The following ADAM10 variants were observed in gnomAD, a reference collection of about 807,000 sequenced individuals.
The protein encoded by ADAM10 is ADAM metallopeptidase domain 10.
ADAM10 carries 17 observed loss-of-function variants against 90.1 expected under a neutral mutation model. The ratio of observed to expected loss-of-function variants is 0.19; its 90% CI spans 0.13 to 0.28. ADAM10 has a LOEUF of 0.28. Among genes scored for constraint, ADAM10 ranks in the 10% least tolerant of loss-of-function variants. The probability of loss-of-function intolerance (pLI) is 1.00; values close to 1 mark genes in which losing one functional copy is unlikely to be tolerated. For missense variants in ADAM10, 610 were observed against 914.3 expected, an observed-to-expected ratio of 0.67 and a Z score of 4.29; for synonymous variants, 310 against 298.6, an observed-to-expected ratio of 1.04 and a Z score of -0.40.
chr15:58,640,358 CCT>C (rs1274703406), intron 8 of ADAM10, among the ~76,000 whole-genome samples: 17 of 152,106 alleles, frequency 1.1e-4, no homozygotes, highest in Non-Finnish European at 2.1e-4. Flanking sequence ...GGATTTCTCT[CCT>C]CTTTATCTCA....
intron 9 of ADAM10, chr15:58,629,245 T>C (rs1283507329): frequency 6.6e-6 from 1 of 152,234 alleles, no homozygotes; most frequent in Non-Finnish European, 1.5e-5. Flanking sequence ...GTATTATCCC[T>C]AGCCTTCAAG....
chr15:58,604,809 G>A (rs147980652), intron 14 of ADAM10, among the ~76,000 whole-genome samples: 4 of 152,266 alleles, frequency 2.6e-5, no homozygotes, highest in African/African-American at 4.8e-5. Flanking sequence ...ATGCAGTGGT[G>A]CAATCACGGC....
chr15:58,685,635 C>T (rs1897579038), intron 2 of ADAM10, among the ~76,000 whole-genome samples: 1 of 145,818 alleles, frequency 6.9e-6, no homozygotes, highest in African/African-American at 2.5e-5. Flanking sequence ...GAGTAAGATA[C>T]ACATTATAAG....
intron 11 of ADAM10, among the ~76,000 whole-genome samples, chr15:58,612,192 A>G (rs1318013371): frequency 6.6e-6 from 1 of 152,174 alleles, no homozygotes; most frequent in Non-Finnish European, 1.5e-5. Flanking sequence ...TAAACAGTGC[A>G]CTGGTGGAGC....
rs1894920278 is a variant in ADAM10, at chr15:58,595,252, G to C, written c.*2295C>G. On this transcript the variant is annotated 3_prime_UTR_variant, in exon 16 of 16. Coordinates refer to ENST00000260408, the MANE Select transcript of ADAM10 (RefSeq NM_001110.4). ...TGTGTGTACGCAGAGTATCTAACTGGAAATTTTCTACATGGATTCCAAAGT... is the reference window on the plus strand; with the variant it reads ...TGTGTGTACGCAGAGTATCTAACTGCAAATTTTCTACATGGATTCCAAAGT... The C allele has an allele frequency of 6.6e-6, 1 of 151,938 alleles. No individual in the cohort carries two copies. Among genetic ancestry groups the C allele is most frequent in the Admixed American group, 6.6e-5 (1 of 15,248 alleles). The allele number at this position is 151,938 out of a possible 1,614,324, so 9.4% of individuals were successfully genotyped here.
chr15:58,610,016 T>C (rs535374352), intron 14 of ADAM10: 2 of 392,238 alleles, frequency 5.1e-6, no homozygotes, highest in Admixed American at 4.0e-5. Context: ...GCCCTAATAA[T>C]ATGCACCAAA....
intron 8 of ADAM10, among the ~76,000 whole-genome samples, chr15:58,637,713 A>G (rs1896302646): frequency 6.6e-6 from 1 of 151,720 alleles, no homozygotes; most frequent in Admixed American, 6.6e-5. Flanking sequence ...TGTAGATTGT[A>G]TTTATATATA....
At chr15:58,628,951 T>G (rs891996218) in intron 9 of ADAM10, among the ~76,000 whole-genome samples, 1 of 152,232 alleles carries the variant, frequency 6.6e-6, no homozygotes, top group Non-Finnish European at 1.5e-5. Flanking sequence ...CTCTTGCCTT[T>G]CTTCTGAATC....
chr15:58,645,078 G>C (rs752557059), intron 6 of ADAM10, among the ~76,000 whole-genome samples: 1 of 152,138 alleles, frequency 6.6e-6, no homozygotes, highest in African/African-American at 2.4e-5. Flanking sequence ...TGTATGTATA[G>C]TCTCAAAGTT....
intron 12 of ADAM10, chr15:58,611,380 C>T (rs186923364): frequency 1.4e-5 from 6 of 418,590 alleles, no homozygotes; most frequent in African/African-American, 6.1e-5. Context: ...AGATGAGGAT[C>T]GATTTTATGT....
rs552298112 is a variant in ADAM10 at position 58,612,991 on chromosome 15, C to T, written c.1512-1000G>A. 2.6e-5 allele frequency among the ~76,000 whole-genome samples: 4 copies of T among 152,324 alleles called. No homozygotes were observed. In the East Asian group the frequency reaches 5.8e-4, roughly 22 times the overall value. ...CGCATCCGCAACTGGAAGCCAGCAC[C>T]GCAGCAGGTGCTCGTAGGCCATGTC... On this transcript the variant is annotated intron_variant, in intron 11 of 15. Transcript: ENST00000260408.
At chr15:58,692,102 G>A (rs780555821) in intron 2 of ADAM10, 14 of 488,862 alleles carry the variant, frequency 2.9e-5, no homozygotes, top group Middle Eastern at 3.1e-4. Flanking sequence ...GACATACTCT[G>A]GCATCAAATC....
chr15:58,599,488 T>C, intron 15 of ADAM10, 110 bp downstream of exon 15: 1 of 1,315,420 alleles, frequency 7.6e-7, no homozygotes, highest in South Asian at 1.2e-5. Context: ...ATCCCATTCT[T>C]ACGGAGAAAG....
In ADAM10 at chr15:58,639,896, T is replaced by A. The variant is rs557820887; in HGVS notation, c.1012+881A>T. On this transcript the variant is annotated intron_variant, in intron 8 of 15. Transcript: ENST00000260408. The stretch of plus-strand genomic sequence containing the variant: ...CTCTGGATAAAGCAGAAGTTTTTTT[T>A]AAAAAAAAAAACATAGAAATGAAGT... Among the ~76,000 whole-genome samples, 424 of 148,978 alleles carry A rather than the reference T, an allele frequency of 2.8e-3. 3 individuals are homozygous for A. The highest frequency in any genetic ancestry group is 4.4e-3 in the Non-Finnish European group (291 of 66,846).
At chr15:58,625,051 A>G (rs1003397267) in intron 10 of ADAM10, among the ~76,000 whole-genome samples, 2 of 152,196 alleles carry the variant, frequency 1.3e-5, no homozygotes, top group African/African-American at 4.8e-5. Context: ...GACAATAACA[A>G]TAACAAAAAT....
chr15:58,715,198 G>T (rs1025102543), intron 2 of ADAM10, among the ~76,000 whole-genome samples: 1 of 151,998 alleles, frequency 6.6e-6, no homozygotes, highest in Non-Finnish European at 1.5e-5. Context: ...GAGGTGAGCG[G>T]ATCACTTGAA....
At chr15:58,690,762 A>G (rs1432597299) in intron 2 of ADAM10, among the ~76,000 whole-genome samples, 4 of 152,246 alleles carry the variant, frequency 2.6e-5, no homozygotes, top group Non-Finnish European at 5.9e-5. Flanking sequence ...TGTGAAACAC[A>G]TCCTCAGGAA....
intron 11 of ADAM10, among the ~76,000 whole-genome samples, chr15:58,617,026 G>A (rs773395809): frequency 3.3e-5 from 5 of 152,058 alleles, no homozygotes; most frequent in South Asian, 2.1e-4. Context: ...GGAGAATGGC[G>A]TGAATCCAGG....
chr15:58,714,938 T>C (rs1898606051), intron 2 of ADAM10, among the ~76,000 whole-genome samples: 1 of 152,104 alleles, frequency 6.6e-6, no homozygotes, highest in Non-Finnish European at 1.5e-5. Context: ...AGGAACAAGA[T>C]CATCAGCCCT....
Sources: allele counts gnomAD v4.1 joint callset (sites outside exome capture counted in the v4.1 genomes callset), GRCh38; gene constraint gnomAD v4.1.1; transcripts MANE v1.5; gene names NCBI Gene and HGNC (gene_info 2026-07-23, HGNC 2026-07-21).